TASOR: variants seen among roughly 807,000 people sequenced by gnomAD.
TASOR encodes protein TASOR.
A neutral mutation model predicts 178.6 loss-of-function variants in TASOR; 53 were observed. The observed-to-expected ratio is 0.30, with a 90% CI of 0.24 to 0.37. TASOR has a LOEUF of 0.37. Ranked by LOEUF, TASOR falls within the 10% of genes least tolerant of loss-of-function variation. The pLI is 1.00. For missense variants in TASOR, 1,815 were observed against 1,971.4 expected, an observed-to-expected ratio of 0.92 and a Z score of 1.50; for synonymous variants, 713 against 696.2, an observed-to-expected ratio of 1.02 and a Z score of -0.38.
chr3:56,665,927 CCAATGCACTCCAG>C (rs1261587592), intron 7 of TASOR, among the ~76,000 whole-genome samples: 2 of 152,136 alleles, frequency 1.3e-5, no homozygotes, highest in Non-Finnish European at 2.9e-5. Flanking sequence ...CGAGATCCTG[CCAATGCACTCCAG>C]CCTGGGGGAC....
At chr3:56,631,810 C>T (rs998859987) in intron 18 of TASOR, among the ~76,000 whole-genome samples, 2 of 152,084 alleles carry the variant, frequency 1.3e-5, no homozygotes, top group African/African-American at 4.8e-5. Flanking sequence ...GTCTCAATCT[C>T]CTGAACTCGT....
At position 56,641,662 on chromosome 3, in the gene TASOR, T is replaced by A; in HGVS notation, c.2306A>T (p.His769Leu). Residue 769 changes from histidine (H) to leucine (L), a missense_variant, in exon 15 of 24, where the codon CAT becomes CTT. Around this residue, in one of 5 missense-constraint regions of TASOR, gnomAD observed 655 missense variants for 671.1 expected, o/e 0.98. Transcript: ENST00000683822. ...TTCTGATAACCAATTAAACAGCCTA[T>A]GGATGTCAGCAATGCCGGAGTTACA... ...DTCNSGIADI[H>L]RLFNWLSETL... 1 of 1,614,232 alleles carries A rather than the reference T, an allele frequency of 6.2e-7. No individual in the cohort carries two copies. The highest frequency in any genetic ancestry group is 8.5e-7 in the Non-Finnish European group (1 of 1,180,040).
intron 18 of TASOR, among the ~76,000 whole-genome samples, chr3:56,632,109 T>C (rs1255273114): frequency 6.6e-6 from 1 of 152,174 alleles, no homozygotes; most frequent in African/African-American, 2.4e-5. Flanking sequence ...ATATGATTGA[T>C]CAAATCCCAT....
chr3:56,631,209 A>G (rs1387028686), intron 18 of TASOR, among the ~76,000 whole-genome samples: 4 of 152,180 alleles, frequency 2.6e-5, no homozygotes, highest in African/African-American at 9.7e-5. Context: ...ACTCTGACTC[A>G]TGTAATTTCT....
At chr3:56,640,912 C>A (rs1007608508) in intron 15 of TASOR, among the ~76,000 whole-genome samples, 35 of 152,014 alleles carry the variant, frequency 2.3e-4, no homozygotes, top group Non-Finnish European at 4.6e-4. Context: ...TTCCTATTTG[C>A]GTAAGAAATA....
chr3:56,659,125 C>A (rs2077539260), intron 11 of TASOR, among the ~76,000 whole-genome samples: 1 of 152,070 alleles, frequency 6.6e-6, no homozygotes, highest in Admixed American at 6.6e-5. Flanking sequence ...TGATTAAGCA[C>A]ATATATATGA....
In TASOR at chr3:56,620,542, TGTC is replaced by T. The variant is rs1269284280; in HGVS notation, c.*2492_*2494del. 1 of 152,254 alleles carries T rather than the reference TGTC, an allele frequency of 6.6e-6. No homozygotes were observed. The highest frequency in any genetic ancestry group is 2.4e-5 in the African/African-American group (1 of 41,456). The allele number at this position is 152,254 out of a possible 1,614,324, so 9.4% of individuals were successfully genotyped here. A position where few individuals can be genotyped will look rare whatever the true frequency, so the allele number is the denominator to read the frequency against. On this transcript the variant is annotated 3_prime_UTR_variant, in exon 24 of 24. Coordinates refer to ENST00000683822, the MANE Select transcript of TASOR (RefSeq NM_001365635.2). Reference sequence around the variant, plus strand: ...CTGTGTTTAAAAGTGCCCTTTTCCATGTCGTCATGTACCAATACCCTCTGCATT... The same window carrying T: ...CTGTGTTTAAAAGTGCCCTTTTCCATGTCATGTACCAATACCCTCTGCATT...
At chr3:56,663,976 T>C in intron 7 of TASOR, 1 of 533,656 alleles carries the variant, frequency 1.9e-6, no homozygotes, top group Non-Finnish European at 2.4e-6. Context: ...GGTAATAGGA[T>C]TATAGAGATA....
chr3:56,660,930 G>A lies in TASOR; in HGVS notation c.1248C>T (p.Tyr416=). Residue 416 remains tyrosine (Y), a synonymous_variant, in exon 10 of 24, where the codon TAC becomes TAT. Coordinates refer to ENST00000683822, the MANE Select transcript of TASOR (RefSeq NM_001365635.2). Reference sequence around the variant, plus strand: ...TTACCTTACCTTCATTTGGACCTAAGTATGTTTCCTTATAAAACAGTGCTG... The same window carrying A: ...TTACCTTACCTTCATTTGGACCTAAATATGTTTCCTTATAAAACAGTGCTG... The part of the protein sequence containing the change: ...IPPALFYKET[Y]LGPNEVLKNG... The A allele has an allele frequency of 6.2e-7, 1 of 1,611,718 alleles. No homozygotes were observed. Among genetic ancestry groups the A allele is most frequent in the Non-Finnish European group, 8.5e-7 (1 of 1,178,342 alleles).
In TASOR at chr3:56,627,654, T is replaced by C. The variant is rs768484229; in HGVS notation, c.3958A>G (p.Asn1320Asp). The part of the protein sequence containing the change: ...SLDDVKNHTY[N>D]ELFVSGGFIV... ...AAACCTCCAGATACAAATAATTCATTGTATGTATGATTTTTAACATCATCC... is the reference window on the plus strand; with the variant it reads ...AAACCTCCAGATACAAATAATTCATCGTATGTATGATTTTTAACATCATCC... The change falls in exon 20 of 24, where the codon AAT becomes GAT. Residue 1320 changes from asparagine (N) to aspartate (D), a missense_variant. Asn to Asp is a conservative substitution (Grantham distance 23). Coordinates refer to ENST00000683822, the MANE Select transcript of TASOR (RefSeq NM_001365635.2). 4 of 1,614,070 alleles carry C rather than the reference T, an allele frequency of 2.5e-6. No homozygotes were observed. The highest frequency in any genetic ancestry group is 3.4e-6 in the Non-Finnish European group (4 of 1,179,926).
intron 1 of TASOR, among the ~76,000 whole-genome samples, chr3:56,675,185 T>A (rs2031178226): frequency 1.3e-5 from 2 of 151,350 alleles, no homozygotes; most frequent in African/African-American, 2.4e-5. Flanking sequence ...GAATTTTTTT[T>A]TTTTTTGAGA....
At chr3:56,644,829 A>T (rs1224784437) in intron 14 of TASOR, among the ~76,000 whole-genome samples, 4 of 152,200 alleles carry the variant, frequency 2.6e-5, no homozygotes, top group African/African-American at 9.7e-5. Flanking sequence ...AATGTCAAAT[A>T]GAACTTTCTG....
At position 56,621,611 on chromosome 3, in the gene TASOR, C is replaced by T. The variant is rs1384602332; in HGVS notation, c.*1426G>A. ...AATCAAGAAGAGAGTTTTGGTTCTT[C>T]ATTTTAAATGTAGAAAATCAAATCC... On this transcript the variant is annotated 3_prime_UTR_variant, in exon 24 of 24. Coordinates refer to ENST00000683822, the MANE Select transcript of TASOR (RefSeq NM_001365635.2). 1 of 1,594,066 alleles carries T rather than the reference C, an allele frequency of 6.3e-7. No individual in the cohort carries two copies. The highest frequency in any genetic ancestry group is 8.5e-7 in the Non-Finnish European group (1 of 1,170,260).
At chr3:56,662,286 T>C (rs960874720) in intron 9 of TASOR, 99 bp downstream of exon 9, 7 of 700,528 alleles carry the variant, frequency 1.0e-5, no homozygotes, top group South Asian at 3.4e-5. Context: ...GAAGTTCTTA[T>C]GAACCAAAAT....
At chr3:56,670,205 A>G (rs1445283648) in intron 3 of TASOR, 60 bp from the exon 4 acceptor site, 3 of 1,040,240 alleles carry the variant, frequency 2.9e-6, no homozygotes, top group Middle Eastern at 2.6e-4. Flanking sequence ...ACATGAAAAA[A>G]TAATTTTATA....
At chr3:56,636,407 T>G (rs12330754) in intron 17 of TASOR, among the ~76,000 whole-genome samples, 10,355 of 146,462 alleles carry the variant, frequency 0.071, 767 homozygotes, top group African/African-American at 0.2. Flanking sequence ...GGTGGTGGTG[T>G]TGTTGTTGTT....
chr3:56,635,630 C>T (rs145979616), intron 17 of TASOR, among the ~76,000 whole-genome samples: 2 of 152,238 alleles, frequency 1.3e-5, no homozygotes, highest in Admixed American at 1.3e-4. Flanking sequence ...CGAAGAACTA[C>T]CTTAATTTAA....
chr3:56,656,945 G>C (rs754021921), intron 11 of TASOR, among the ~76,000 whole-genome samples: 17 of 151,752 alleles, frequency 1.1e-4, no homozygotes, highest in Non-Finnish European at 1.8e-4. Flanking sequence ...AGGAGGAGGA[G>C]GTTGCGGTGA....
Position 56,683,190 on chromosome 3 carries a change from A to C in TASOR, c.-184T>G. 1 of 593,372 alleles carries C rather than the reference A, an allele frequency of 1.7e-6. No individual in the cohort carries two copies. 36.8% of individuals were successfully genotyped at this position (593,372 alleles called of 1,614,324 possible). ...GGGGGCCCTGTAGCGGGCACCCCAA[A>C]TGCGCTGCCCGGTCCTCGGAGCCGC... On this transcript the variant is annotated 5_prime_UTR_variant, in exon 1 of 24. Coordinates refer to ENST00000683822, the MANE Select transcript of TASOR (RefSeq NM_001365635.2).
Sources: gnomAD v4.1 joint callset for allele counts (sites outside exome capture counted in the v4.1 genomes callset) on GRCh38, gnomAD v4.1.1 for gene constraint, gnomAD v4.1.1 regional missense constraint, MANE v1.5 for transcripts, NCBI Gene and HGNC (gene_info 2026-07-23, HGNC 2026-07-21) for gene names.